NADSYN1: variants seen among roughly 807,000 people sequenced by gnomAD.
The protein encoded by NADSYN1 is NAD synthetase 1, also known as glutamine-dependent NAD(+) synthetase.
NADSYN1 carries 80 observed loss-of-function variants against 99.3 expected under a neutral mutation model. The ratio of observed to expected loss-of-function variants is 0.81; its 90% confidence interval spans 0.67 to 0.97. NADSYN1 has a LOEUF of 0.97. Among genes scored for constraint, NADSYN1 ranks in the 50% least tolerant of loss-of-function variants. The pLI is 0.00. For missense variants in NADSYN1, 859 were observed against 948.5 expected (o/e 0.91, Z 1.24); for synonymous variants, 385 against 372.1 (o/e 1.03, Z -0.40).
intron 5 of NADSYN1, among the ~76,000 whole-genome samples, chr11:71,465,999 A>C (rs966367850): frequency 6.6e-6 from 1 of 152,100 alleles, no homozygotes; most frequent in Non-Finnish European, 1.5e-5. Context: ...TTCTAGAACA[A>C]TGTTCTAGAT....
intron 17 of NADSYN1, among the ~76,000 whole-genome samples, chr11:71,491,583 G>T (rs1201298345): frequency 6.6e-6 from 1 of 152,134 alleles, no homozygotes; most frequent in African/African-American, 2.4e-5. Context: ...CAGTGGACTG[G>T]CCCTTCACTG....
intron 8 of NADSYN1, among the ~76,000 whole-genome samples, chr11:71,474,006 A>G (rs1949647242): frequency 6.6e-6 from 1 of 152,204 alleles, no homozygotes; most frequent in South Asian, 2.1e-4. Context: ...GCTGTTGGGC[A>G]GTGAGACGTG....
intron 18 of NADSYN1, among the ~76,000 whole-genome samples, chr11:71,495,718 G>A (rs763057833): frequency 3.3e-5 from 5 of 152,250 alleles, no homozygotes; most frequent in Non-Finnish European, 7.3e-5. Flanking sequence ...CCACTTGTGC[G>A]CAACCCGTCA....
rs1453022974 is a variant in NADSYN1 at position 71,453,246 on chromosome 11, C to T, written c.-51C>T. The T allele has an allele frequency of 1.0e-5, 16 of 1,545,188 alleles. No homozygotes were observed. Among genetic ancestry groups the T allele is most frequent in the East Asian group, 2.3e-5 (1 of 43,572 alleles). Reference sequence around the variant, plus strand: ...TCCCAGCCGCCTACCTCGCTGGGACCCTGGTCTTGCTGTCCCCCGCTGGCC... The same window carrying T: ...TCCCAGCCGCCTACCTCGCTGGGACTCTGGTCTTGCTGTCCCCCGCTGGCC... On this transcript the variant is annotated 5_prime_UTR_variant, in exon 1 of 21. Transcript: ENST00000319023.
At chr11:71,498,678 C>T (rs1372083218) in intron 20 of NADSYN1, 150 bp downstream of exon 20, 6 of 838,020 alleles carry the variant, frequency 7.2e-6, no homozygotes, top group East Asian at 2.8e-5. Context: ...ATGTTTAAAG[C>T]GTTTTTTAAA....
rs1949639747 is a variant in NADSYN1 at position 71,473,200 on chromosome 11, G to T, written c.460-78G>T. 17 of 1,338,246 alleles carry T rather than the reference G, an allele frequency of 1.3e-5. No homozygotes were observed. The South Asian group carries it at 2.0e-4, about 16-fold the overall frequency. 82.9% of individuals were successfully genotyped at this position (1,338,246 alleles called of 1,614,324 possible). A position where few individuals can be genotyped will look rare whatever the true frequency, so the allele number is the denominator to read the frequency against. ...ACTCCAGCTCTTGTGGCTGCAGGAT[G>T]TCCGTGGCCCTAGGTAGTGCGTGGC... On this transcript the variant is annotated intron_variant, in intron 6 of 20. Transcript: ENST00000319023.
chr11:71,466,617 T>A (rs1360886731), intron 5 of NADSYN1: 1 of 152,250 alleles, frequency 6.6e-6, no homozygotes, highest in African/African-American at 2.4e-5. Context: ...GGTGGAGAGA[T>A]GTCTGTTGCT....
At chr11:71,491,812 C>T (rs1357702233) in intron 17 of NADSYN1, 22 bp from the exon 18 acceptor site, 5 of 1,612,900 alleles carry the variant, frequency 3.1e-6, no homozygotes, top group Non-Finnish European at 2.5e-6. Flanking sequence ...CACTGACCGA[C>T]CTCTGTGTGT....
rs555108432 is a variant in NADSYN1 at position 71,488,084 on chromosome 11, T to A, written c.1562+2436T>A. Among the ~76,000 whole-genome samples the A allele has an allele frequency of 1.3e-3, 198 of 152,234 alleles. 1 individual carries two copies. The highest frequency in any genetic ancestry group is 4.3e-3 in the African/African-American group (180 of 41,542). ...CTCAAATGTGTAGTGTTGATTTTTT[T>A]AAATTTCCCTGTAATTCTGTTGTTG... On this transcript the variant is annotated intron_variant, in intron 16 of 20. Transcript: ENST00000319023.
Position 71,474,391 on chromosome 11 carries a change from T to C in NADSYN1, c.667-4T>C. Reference sequence around the variant, plus strand: ...CACTCCGCTATGGGGTCCTCCTTTTTCAGAACGGTGGGATTTACTTGCTGG... The same window carrying C: ...CACTCCGCTATGGGGTCCTCCTTTTCCAGAACGGTGGGATTTACTTGCTGG... On this transcript the variant is annotated splice_region_variant and splice_polypyrimidine_tract_variant and intron_variant, in intron 8 of 20. Transcript: ENST00000319023. 6.2e-7 allele frequency: 1 copy of C among 1,614,108 alleles called. No individual in the cohort carries two copies. The highest frequency in any genetic ancestry group is 8.5e-7 in the Non-Finnish European group (1 of 1,179,990).
chr11:71,494,318 T>C (rs1391762627), intron 18 of NADSYN1, among the ~76,000 whole-genome samples: 2 of 152,198 alleles, frequency 1.3e-5, no homozygotes, highest in Non-Finnish European at 2.9e-5. Flanking sequence ...TATGTTAGAC[T>C]GGCCCAGAGT....
chr11:71,484,702 C>CG, intron 15 of NADSYN1: 1 of 497,288 alleles, frequency 2.0e-6, no homozygotes. Flanking sequence ...AGAGCAAGAG[C>CG]GGGGGTGTAA....
At chr11:71,455,231 C>T in intron 2 of NADSYN1, 61 bp downstream of exon 2, 1 of 1,439,908 alleles carries the variant, frequency 6.9e-7, no homozygotes. Flanking sequence ...CAGTTTTCCC[C>T]AGCTGAGAAG....
At chr11:71,481,433 C>G (rs1206752757) in intron 12 of NADSYN1, 29 bp downstream of exon 12, 1 of 1,608,790 alleles carries the variant, frequency 6.2e-7, no homozygotes, top group African/African-American at 1.3e-5. Flanking sequence ...AGTGAGCCCA[C>G]TTTGCTTGTT....
intron 6 of NADSYN1, 44 bp downstream of exon 6, chr11:71,472,544 T>A (rs765193006): frequency 6.4e-7 from 1 of 1,564,938 alleles, no homozygotes; most frequent in Admixed American, 1.7e-5. Context: ...CGGTTGTCGC[T>A]GTTCTCGGCC....
At chr11:71,472,575 G>A (rs1281415340) in intron 6 of NADSYN1, 75 bp downstream of exon 6, 7 of 1,390,038 alleles carry the variant, frequency 5.0e-6, no homozygotes, top group Non-Finnish European at 7.2e-6. Flanking sequence ...CAGGTGGGGC[G>A]GGAACGCTTT....
chr11:71,474,511 T>A lies in NADSYN1; in HGVS notation c.783T>A (p.Phe261Leu). Residue 261 changes from phenylalanine (F) to leucine (L), a missense_variant, in exon 9 of 21, where the codon TTT (phenylalanine) becomes TTA (leucine). Physicochemically the swap from Phe to Leu is conservative, Grantham distance 22. Transcript: ENST00000319023. ...NGSVFAQGSQ[F>L]SLDDVEVLTA... ...GCGTCTTTGCTCAAGGATCCCAGTT[T>A]TCTCTGGATGACGTGGTAATGAGCG... The A allele has an allele frequency of 6.2e-7, 1 of 1,614,154 alleles. No homozygotes were observed. Among genetic ancestry groups the A allele is most frequent in the East Asian group, 2.2e-5 (1 of 44,874 alleles).
chr11:71,463,623 G>A (rs1336178078), intron 4 of NADSYN1, 138 bp downstream of exon 4: 2 of 762,158 alleles, frequency 2.6e-6, no homozygotes, highest in Non-Finnish European at 2.1e-6. Context: ...GGCTTAGTGA[G>A]GGCCGATGCA....
chr11:71,473,677 C>A lies in NADSYN1; in HGVS notation c.657C>A (p.Val219=). 2 of 1,611,380 alleles carry A rather than the reference C, an allele frequency of 1.2e-6. No individual in the cohort carries two copies. The highest frequency in any genetic ancestry group is 2.2e-5 in the South Asian group (2 of 90,968). ...CCAGGGTGGATCTCGTGACTATGGT[C>A]ACCAGCAAGGTAGGGGCTGGGCCAG... The part of the protein sequence containing the change: ...ANTRVDLVTM[V]TSKNGGIYLL... Residue 219 remains valine (V), a synonymous_variant, in exon 8 of 21, where the codon GTC becomes GTA. Coordinates refer to ENST00000319023, the MANE Select transcript of NADSYN1 (RefSeq NM_018161.5).
Sources: gnomAD v4.1 joint callset for allele counts (sites outside exome capture counted in the v4.1 genomes callset) on GRCh38, gnomAD v4.1.1 for gene constraint, MANE v1.5 for transcripts, NCBI Gene and HGNC (gene_info 2026-07-23, HGNC 2026-07-21) for gene names.